Variants in CLCN7 observed in about 807,000 individuals in gnomAD.
CLCN7 encodes the protein Cl-/H+ antiporter 7, also known as H(+)/Cl(-) exchange transporter 7.
In CLCN7, 60 loss-of-function variants were observed where a neutral mutation model predicts 102.1. The ratio of observed to expected loss-of-function variants is 0.59; its 90% CI spans 0.48 to 0.73. The LOEUF (loss-of-function observed/expected upper bound fraction) is 0.73. CLCN7 is among the 30% of genes least tolerant of loss of function. The pLI is 0.00. For synonymous variants in CLCN7, 560 were observed against 490.5 expected (o/e 1.14, Z -1.87); for missense variants, 962 against 1,125.7 (o/e 0.85, Z 2.08).
Position 1,445,937 on chromosome 16 carries a change from T to G in CLCN7, c.*694A>C. On this transcript the variant is annotated 3_prime_UTR_variant, in exon 25 of 25. Transcript: ENST00000382745. ...AGGGCTGGGCATGGGGCTCAGGGCC[T>G]TGGAGGTTTTTCTCAGCTCTCAACA... The G allele has an allele frequency of 3.8e-6, 1 of 261,742 alleles. No individual in the cohort carries two copies. The allele number at this position is 261,742 out of a possible 1,614,324, so 16.2% of individuals were successfully genotyped here.
intron 2 of CLCN7, among the ~76,000 whole-genome samples, chr16:1,462,812 G>A (rs1402006769): frequency 6.6e-6 from 1 of 152,142 alleles, no homozygotes; most frequent in Non-Finnish European, 1.5e-5. Context: ...CATTTCAACA[G>A]AGAAAGGTAG....
chr16:1,468,284 C>T (rs1337218122), intron 1 of CLCN7, among the ~76,000 whole-genome samples: 5 of 152,194 alleles, frequency 3.3e-5, no homozygotes, highest in Non-Finnish European at 4.4e-5. Flanking sequence ...CCCCCACCGC[C>T]GCCGCCTTGG....
chr16:1,469,459 G>A (rs2039047785), intron 1 of CLCN7, among the ~76,000 whole-genome samples: 1 of 152,086 alleles, frequency 6.6e-6, no homozygotes, highest in East Asian at 1.9e-4. Context: ...GCTGAGGCGG[G>A]CTGATCACTT....
chr16:1,467,101 A>C (rs569025298), intron 1 of CLCN7, among the ~76,000 whole-genome samples: 8 of 151,012 alleles, frequency 5.3e-5, no homozygotes, highest in African/African-American at 2.0e-4. Flanking sequence ...GGCACGTGCC[A>C]CTGGCCCTTG....
chr16:1,452,455 C>T, intron 15 of CLCN7: 1 of 458,374 alleles, frequency 2.2e-6, no homozygotes, highest in Admixed American at 3.5e-5. Context: ...CCTGGGTCCA[C>T]ATCTATGGTG....
chr16:1,465,247 G>A lies in CLCN7; in HGVS notation c.213+20C>T, dbSNP rs145502580. ...GATGCAGCTAGCTCTGCGGGAGGAC[G>A]GGGAACACCCCCAACTCACCGGGTC... On this transcript the variant is annotated intron_variant, in intron 2 of 24. Transcript: ENST00000382745. The A allele has an allele frequency of 8.1e-6, 13 of 1,608,974 alleles. No individual in the cohort carries two copies. Among genetic ancestry groups the A allele is most frequent in the South Asian group, 3.3e-5 (3 of 90,834 alleles).
Position 1,461,656 on chromosome 16 carries a change from G to A in CLCN7, c.232C>T (p.Pro78Ser), listed in dbSNP as rs2038939738. 1 of 1,613,972 alleles carries A rather than the reference G, an allele frequency of 6.2e-7. No individual in the cohort carries two copies. The highest frequency in any genetic ancestry group is 8.5e-7 in the Non-Finnish European group (1 of 1,180,008). ...LLDPDMDPPH[P>S]FPKEIPHNEK... is the part of the protein sequence containing the mutation. ...TTGTGTGGGATCTCCTTGGGGAAGGGATGTGGAGGGTCCATATCCTGTGGC... is the reference window on the plus strand; with the variant it reads ...TTGTGTGGGATCTCCTTGGGGAAGGAATGTGGAGGGTCCATATCCTGTGGC... Residue 78 changes from proline to serine, a missense_variant, in exon 3 of 25, where the codon CCC (proline) becomes TCC (serine). Pro to Ser is a moderately conservative substitution (Grantham distance 74, BLOSUM62 -1). This residue lies in a region of CLCN7 where 163 missense variants were observed against 137.7 expected (regional missense o/e 1.18). Coordinates refer to ENST00000382745, the MANE Select transcript of CLCN7 (RefSeq NM_001287.6).
chr16:1,452,243 C>T lies in CLCN7; in HGVS notation c.1353+512G>A. 2 of 232,916 alleles carry T rather than the reference C, an allele frequency of 8.6e-6. 1 individual carries two copies. Among genetic ancestry groups the T allele is most frequent in the South Asian group, 1.2e-4 (2 of 16,174 alleles). The allele number at this position is 232,916 out of a possible 1,614,324, so 14.4% of individuals were successfully genotyped here. ...CATCCTGCCCACTCCCGCCGTGGCA[C>T]CCACTGGTCTGCTGGGCCTCTAGGC... On this transcript the variant is annotated intron_variant, in intron 15 of 24. Coordinates refer to ENST00000382745, the MANE Select transcript of CLCN7 (RefSeq NM_001287.6).
rs984493643 is a variant in CLCN7 at position 1,445,468 on chromosome 16, G to A, written c.*1163C>T. ...CCCACTCCCTGGGGAGGAAATACAC[G>A]GCAGGGGGCCGCACCCAGCCCCCCA... On this transcript the variant is annotated 3_prime_UTR_variant, in exon 25 of 25. Coordinates refer to ENST00000382745, the MANE Select transcript of CLCN7 (RefSeq NM_001287.6). 11 of 151,790 alleles carry A rather than the reference G, an allele frequency of 7.2e-5. No individual in the cohort carries two copies. Among genetic ancestry groups the A allele is most frequent in the African/African-American group, 2.7e-4 (11 of 41,010 alleles). The allele number at this position is 151,790 out of a possible 1,614,324, so 9.4% of individuals were successfully genotyped here. A position where few individuals can be genotyped will look rare whatever the true frequency, so the allele number is the denominator to read the frequency against.
At chr16:1,469,909 C>T (rs2039053468) in intron 1 of CLCN7, among the ~76,000 whole-genome samples, 1 of 152,224 alleles carries the variant, frequency 6.6e-6, no homozygotes, top group South Asian at 2.1e-4. Context: ...ACCCGTGCTG[C>T]AGCACGACGG....
Position 1,447,417 on chromosome 16 carries a change from T to C in CLCN7, c.2225A>G (p.Asn742Ser). The change falls in exon 23 of 25, where the codon AAC (asparagine) becomes AGC (serine). Residue 742 changes from asparagine (N) to serine (S), a missense_variant. Asn to Ser is a conservative substitution (Grantham distance 46, BLOSUM62 1). Coordinates refer to ENST00000382745, the MANE Select transcript of CLCN7 (RefSeq NM_001287.6). ...ECTMDLSEFMNPSPYTVPQEA... is the reference protein window; with the variant it reads ...ECTMDLSEFMSPSPYTVPQEA... ...CTGGGGCACCGTGTAGGGGGAGGGGTTCATGAACTCGGAGAGGTCCATGGT... is the reference window on the plus strand; with the variant it reads ...CTGGGGCACCGTGTAGGGGGAGGGGCTCATGAACTCGGAGAGGTCCATGGT... 1 of 1,548,874 alleles carries C rather than the reference T, an allele frequency of 6.5e-7. No individual in the cohort carries two copies. Among genetic ancestry groups the C allele is most frequent in the Non-Finnish European group, 8.7e-7 (1 of 1,146,502 alleles).
intron 24 of CLCN7, 46 bp downstream of exon 24, chr16:1,446,960 G>A (rs1027410758): frequency 1.3e-6 from 2 of 1,501,406 alleles, no homozygotes; most frequent in African/African-American, 2.8e-5. Context: ...AGGAGGCAGA[G>A]GGGAGCCCTG....
intron 2 of CLCN7, among the ~76,000 whole-genome samples, chr16:1,463,364 GATGCA>G (rs1228472160): frequency 1.3e-5 from 2 of 152,162 alleles, no homozygotes; most frequent in East Asian, 3.9e-4. Context: ...TGCGGGGTGT[GATGCA>G]CCTGTGGTCC....
chr16:1,463,428 G>A (rs1195038474), intron 2 of CLCN7, among the ~76,000 whole-genome samples: 4 of 152,080 alleles, frequency 2.6e-5, no homozygotes, highest in Non-Finnish European at 5.9e-5. Flanking sequence ...GAGCCTGAGA[G>A]ATGGAGTTCA....
At chr16:1,447,740 C>T in intron 21 of CLCN7, 26 bp from the exon 22 acceptor site, 1 of 1,548,882 alleles carries the variant, frequency 6.5e-7, no homozygotes, top group Non-Finnish European at 8.7e-7. Context: ...GCGGTCAGGG[C>T]CACGGGCCCG....
At chr16:1,462,680 A>AAC (rs1555466087) in intron 2 of CLCN7, among the ~76,000 whole-genome samples, 4 of 150,982 alleles carry the variant, frequency 2.6e-5, no homozygotes, top group African/African-American at 9.7e-5. Flanking sequence ...AAAAAAAAAA[A>AAC]AAAAAAACCA....
intron 16 of CLCN7, 152 bp downstream of exon 16, chr16:1,451,471 T>C: frequency 1.5e-6 from 1 of 659,838 alleles, no homozygotes; most frequent in Non-Finnish European, 2.7e-6. Flanking sequence ...CTCCAAGTGC[T>C]GGGATTACAG....
chr16:1,449,154 C>G, intron 18 of CLCN7, 61 bp from the exon 19 acceptor site: 1 of 1,604,126 alleles, frequency 6.2e-7, no homozygotes, highest in Non-Finnish European at 8.5e-7. Flanking sequence ...CACGTGGCCA[C>G]TGCCTTCTCT....
At position 1,447,703 on chromosome 16, in the gene CLCN7, G is replaced by C. The variant is rs1264299078; in HGVS notation, c.2025C>G (p.Leu675=). The change falls in exon 22 of 25, where the codon CTC becomes CTG. Residue 675 remains leucine (L), a synonymous_variant. Coordinates refer to ENST00000382745, the MANE Select transcript of CLCN7 (RefSeq NM_001287.6). ...GCTGGGAGCGCAGGATCAGGCCCTGGAGCCGGGCAGGCTGCAAGACAGGCC... is the reference window on the plus strand; with the variant it reads ...GCTGGGAGCGCAGGATCAGGCCCTGCAGCCGGGCAGGCTGCAAGACAGGCC... ...EHADDTQPAR[L]QGLILRSQLI... 6.4e-7 allele frequency: 1 copy of C among 1,554,456 alleles called. No individual in the cohort carries two copies. Among genetic ancestry groups the C allele is most frequent in the Admixed American group, 1.9e-5 (1 of 51,582 alleles).
Sources: gnomAD v4.1 joint callset for allele counts (sites outside exome capture counted in the v4.1 genomes callset) on GRCh38, gnomAD v4.1.1 for gene constraint, gnomAD v4.1.1 regional missense constraint, MANE v1.5 for transcripts, NCBI Gene and HGNC (gene_info 2026-07-23, HGNC 2026-07-21) for gene names.